The following C12orf42 variants were observed in gnomAD, a reference collection of about 807,000 sequenced individuals.
The protein encoded by C12orf42 is uncharacterized protein C12orf42.
C12orf42 carries 25 observed loss-of-function variants against 21.6 expected under a neutral mutation model. The observed-to-expected ratio is 1.16, with a 90% CI of 0.84 to 1.62. C12orf42 has a LOEUF of 1.62. Ranked by LOEUF, C12orf42 falls within the 40% of genes most tolerant of loss-of-function variation. C12orf42 has a pLI of 0.00. For synonymous variants in C12orf42, 174 were observed against 175.0 expected, an observed-to-expected ratio of 0.99 and a Z score of 0.05; for missense variants, 483 against 459.3, an observed-to-expected ratio of 1.05 and a Z score of -0.47.
the C12orf42 span, among the ~76,000 whole-genome samples, chr12:103,052,394 G>A: frequency 6.6e-6 from 1 of 152,096 alleles, no homozygotes; most frequent in Non-Finnish European, 1.5e-5. Context: ...AGGAAGTATA[G>A]TGGTTTTAGT....
chr12:103,255,014 AT>A (rs1349981482), intron 10 of C12orf42, among the ~76,000 whole-genome samples: 1 of 152,146 alleles, frequency 6.6e-6, no homozygotes, highest in Non-Finnish European at 1.5e-5. Context: ...CTATTTATAT[AT>A]TCATTATATC....
intron 4 of C12orf42, among the ~76,000 whole-genome samples, chr12:103,343,355 A>AT (rs1285554952): frequency 6.6e-6 from 1 of 152,186 alleles, no homozygotes. Flanking sequence ...GAAATCAAAG[A>AT]TTTTTTTGAA....
intron 2 of C12orf42, among the ~76,000 whole-genome samples, chr12:103,427,127 A>G (rs1291927680): frequency 6.6e-6 from 1 of 152,106 alleles, no homozygotes; most frequent in Non-Finnish European, 1.5e-5. Flanking sequence ...TTAAATGTAA[A>G]TGGGCTAAAT....
the C12orf42 span, among the ~76,000 whole-genome samples, chr12:103,086,451 C>T: frequency 6.6e-6 from 1 of 150,660 alleles, no homozygotes; most frequent in Admixed American, 6.6e-5. Flanking sequence ...GATAAGCTTC[C>T]CAGAATCTGA....
At chr12:103,506,905 TTA>T in the C12orf42 span, among the ~76,000 whole-genome samples, 2 of 38,756 alleles carry the variant, frequency 5.2e-5, no homozygotes, top group Non-Finnish European at 7.5e-5. Flanking sequence ...TATTTATATA[TTA>T]TATATATATT....
At chr12:103,048,583 T>G in the C12orf42 span, among the ~76,000 whole-genome samples, 2 of 152,166 alleles carry the variant, frequency 1.3e-5, no homozygotes, top group South Asian at 4.1e-4. Flanking sequence ...TTCAGTCTTA[T>G]CATCTGTTGA....
chr12:103,294,620 G>GA (rs748535679), intron 4 of C12orf42, among the ~76,000 whole-genome samples: 7 of 138,866 alleles, frequency 5.0e-5, no homozygotes, highest in African/African-American at 1.7e-4. Flanking sequence ...AAGAAAGAAA[G>GA]AAAGAAAGAA....
intron 4 of C12orf42, among the ~76,000 whole-genome samples, chr12:103,279,840 C>T (rs986610695): frequency 6.6e-6 from 1 of 152,082 alleles, no homozygotes; most frequent in South Asian, 2.1e-4. Context: ...AGCAGGTAAC[C>T]CAGACATAAG....
At chr12:103,232,667 C>A (rs867309682), downstream of C12orf42, among the ~76,000 whole-genome samples, 1 of 149,838 alleles carries the variant, frequency 6.7e-6, no homozygotes, top group Non-Finnish European at 1.5e-5. Context: ...GCCGAGATCA[C>A]GCCACTGCAC....
chr12:103,231,158 T>C, the C12orf42 span, among the ~76,000 whole-genome samples: 1 of 152,218 alleles, frequency 6.6e-6, no homozygotes, highest in Non-Finnish European at 1.5e-5. Context: ...TCACATTTTA[T>C]AGCAATTTTA....
intron 2 of C12orf42, among the ~76,000 whole-genome samples, chr12:103,434,777 G>A (rs1950545401): frequency 6.6e-6 from 1 of 152,208 alleles, no homozygotes; most frequent in Non-Finnish European, 1.5e-5. Flanking sequence ...CTGATTGCTA[G>A]CACAGCAGTC....
At chr12:103,132,642 T>C in the C12orf42 span, among the ~76,000 whole-genome samples, 11 of 152,288 alleles carry the variant, frequency 7.2e-5, no homozygotes, top group African/African-American at 2.4e-4. Context: ...TGGAGCCCCA[T>C]TGACATTTCC....
chr12:103,361,373 G>C (rs1044397067), intron 4 of C12orf42, among the ~76,000 whole-genome samples: 6 of 152,242 alleles, frequency 3.9e-5, no homozygotes, highest in African/African-American at 1.4e-4. Context: ...GAAAAGCCCT[G>C]TGGGCTCTCT....
At chr12:103,274,387 G>T (rs1566010728) in intron 5 of C12orf42, among the ~76,000 whole-genome samples, 3 of 152,084 alleles carry the variant, frequency 2.0e-5, no homozygotes, top group Non-Finnish European at 4.4e-5. Flanking sequence ...TACCTCCCTG[G>T]GTTGTAGCAA....
chr12:103,135,005 A>T, the C12orf42 span, among the ~76,000 whole-genome samples: 3 of 152,208 alleles, frequency 2.0e-5, no homozygotes, highest in African/African-American at 7.2e-5. Context: ...AAAATAAAAC[A>T]CTGCTAGCCA....
chr12:103,368,213 A>T, intron 4 of C12orf42: 1 of 481,364 alleles, frequency 2.1e-6, no homozygotes, highest in South Asian at 1.6e-5. Context: ...GCTTGACACA[A>T]AATGATGTTC....
chr12:103,100,073 G>A, the C12orf42 span, among the ~76,000 whole-genome samples: 1 of 152,188 alleles, frequency 6.6e-6, no homozygotes, highest in African/African-American at 2.4e-5. Context: ...CATATTGCAT[G>A]TAATTTTGGT....
intron 4 of C12orf42, among the ~76,000 whole-genome samples, chr12:103,324,455 G>T (rs1030225573): frequency 6.6e-6 from 1 of 152,126 alleles, no homozygotes; most frequent in Non-Finnish European, 1.5e-5. Flanking sequence ...AAACAAATTG[G>T]AAAGTATAGT....
At chr12:103,559,470 A>G in the C12orf42 span, 1 of 126,684 alleles carries the variant, frequency 7.9e-6, no homozygotes, top group African/African-American at 2.5e-5. Flanking sequence ...CACCTTGAGC[A>G]TGACAGCTTT....
Sources: gnomAD v4.1 joint callset for allele counts (sites outside exome capture counted in the v4.1 genomes callset) on GRCh38, gnomAD v4.1.1 for gene constraint, MANE v1.5 for transcripts, NCBI Gene and HGNC (gene_info 2026-07-23, HGNC 2026-07-21) for gene names.